Variants in WWOX observed in about 807,000 individuals in gnomAD.
WWOX encodes the protein WW domain-containing oxidoreductase.
A neutral mutation model predicts 46.2 loss-of-function variants in WWOX; 69 were observed. The ratio of observed to expected loss-of-function variants is 1.49; its 90% confidence interval spans 1.23 to 1.82. The LOEUF is 1.82. WWOX is among the 40% of genes most tolerant of loss of function. The pLI is 0.00. For missense variants in WWOX, 919 were observed against 542.6 expected, an observed-to-expected ratio of 1.69 and a Z score of -6.89; for synonymous variants, 359 against 202.6, an observed-to-expected ratio of 1.77 and a Z score of -6.56.
chr16:78,137,488 A>G (rs1168910640), intron 4 of WWOX, among the ~76,000 whole-genome samples: 1 of 152,174 alleles, frequency 6.6e-6, no homozygotes, highest in African/African-American at 2.4e-5. Flanking sequence ...GTGTTAGTCC[A>G]TGAGGAATTT....
intron 8 of WWOX, among the ~76,000 whole-genome samples, chr16:78,641,864 C>T (rs564893053): frequency 6.6e-5 from 10 of 152,142 alleles, no homozygotes; most frequent in Admixed American, 1.3e-4. Flanking sequence ...CTTAAATTAA[C>T]GGGGAGCCGA....
chr16:78,153,528 G>A, intron 4 of WWOX, among the ~76,000 whole-genome samples: 1 of 152,058 alleles, frequency 6.6e-6, no homozygotes, highest in East Asian at 1.9e-4. Flanking sequence ...TCTCCAGGGA[G>A]GGAGAGGATG....
intron 8 of WWOX, among the ~76,000 whole-genome samples, chr16:78,826,764 TA>T (rs2051669130): frequency 6.6e-6 from 1 of 152,114 alleles, no homozygotes; most frequent in Admixed American, 6.5e-5. Flanking sequence ...CAACCCACAA[TA>T]AGAGCACAGT....
chr16:78,567,371 C>G, intron 8 of WWOX, among the ~76,000 whole-genome samples: 1 of 151,188 alleles, frequency 6.6e-6, no homozygotes. Context: ...CCGTAAAACC[C>G]CGTCTCTACT....
intron 5 of WWOX, among the ~76,000 whole-genome samples, chr16:78,321,834 G>GGAGA (rs2080490566): frequency 6.6e-6 from 1 of 152,146 alleles, no homozygotes; most frequent in Non-Finnish European, 1.5e-5. Flanking sequence ...GACGCTTGGA[G>GGAGA]GCTGGGGAGA....
intron 5 of WWOX, among the ~76,000 whole-genome samples, chr16:78,326,306 C>A (rs1002741009): frequency 2.0e-5 from 3 of 152,114 alleles, no homozygotes; most frequent in East Asian, 3.8e-4. Context: ...GTTGCAGAAA[C>A]CTAAATTGCT....
chr16:79,164,825 T>C (rs2050559068), intron 8 of WWOX, among the ~76,000 whole-genome samples: 1 of 152,178 alleles, frequency 6.6e-6, no homozygotes, highest in Admixed American at 6.5e-5. Context: ...TTGTCATTTA[T>C]GTAGCACCAG....
chr16:78,422,884 C>CAT (rs1424629781), intron 6 of WWOX, among the ~76,000 whole-genome samples: 3 of 103,586 alleles, frequency 2.9e-5, no homozygotes, highest in Non-Finnish European at 5.9e-5. Context: ...CACACACACA[C>CAT]ATATATTTTT....
chr16:78,357,114 C>G (rs1208389592), intron 5 of WWOX, among the ~76,000 whole-genome samples: 1 of 152,200 alleles, frequency 6.6e-6, no homozygotes, highest in Non-Finnish European at 1.5e-5. Flanking sequence ...ACCTTCCTTT[C>G]TCAGAGCCTT....
chr16:78,627,733 C>A (rs2046342326), intron 8 of WWOX, among the ~76,000 whole-genome samples: 1 of 152,164 alleles, frequency 6.6e-6, no homozygotes, highest in African/African-American at 2.4e-5. Flanking sequence ...ATGGAGGCAC[C>A]TATGTTAACT....
intron 8 of WWOX, among the ~76,000 whole-genome samples, chr16:78,618,664 C>G (rs968148137): frequency 2.0e-5 from 3 of 152,100 alleles, no homozygotes; most frequent in African/African-American, 7.2e-5. Context: ...CTCTTCTCAA[C>G]AGGATCCATG....
chr16:78,755,005 G>A (rs2049602787), intron 8 of WWOX, among the ~76,000 whole-genome samples: 1 of 150,458 alleles, frequency 6.6e-6, no homozygotes, highest in Non-Finnish European at 1.5e-5. Context: ...ATGAGAACAC[G>A]TGGACAACGG....
At chr16:78,500,045 A>C (rs556046877) in intron 8 of WWOX, among the ~76,000 whole-genome samples, 1 of 152,202 alleles carries the variant, frequency 6.6e-6, no homozygotes, top group African/African-American at 2.4e-5. Context: ...TGCCTGTGGG[A>C]AAATACAAAA....
At chr16:78,731,194 T>G (rs2048961214) in intron 8 of WWOX, among the ~76,000 whole-genome samples, 1 of 152,132 alleles carries the variant, frequency 6.6e-6, no homozygotes, top group Non-Finnish European at 1.5e-5. Context: ...TGGCTAATAT[T>G]TCATTATCTG....
chr16:78,863,916 T>C (rs906678068), intron 8 of WWOX, among the ~76,000 whole-genome samples: 1 of 152,128 alleles, frequency 6.6e-6, no homozygotes, highest in Admixed American at 6.5e-5. Context: ...TCAGCCACAG[T>C]TGTAGCATGT....
chr16:78,464,526 T>C (rs928953489), intron 8 of WWOX, among the ~76,000 whole-genome samples: 30 of 152,286 alleles, frequency 2.0e-4, no homozygotes, highest in Admixed American at 1.7e-3. Context: ...GTGCCATATT[T>C]CCTTGAATCT....
intron 5 of WWOX, among the ~76,000 whole-genome samples, chr16:78,228,844 G>A (rs1453440806): frequency 1.3e-5 from 2 of 152,168 alleles, no homozygotes; most frequent in Non-Finnish European, 2.9e-5. Flanking sequence ...TACTCTACCT[G>A]GGTGAGGCTC....
intron 7 of WWOX, among the ~76,000 whole-genome samples, chr16:78,431,242 C>T (rs1287971951): frequency 2.0e-5 from 3 of 152,164 alleles, no homozygotes; most frequent in Non-Finnish European, 4.4e-5. Context: ...TACATCCATG[C>T]CATGGGTATA....
Position 79,211,787 on chromosome 16 carries a change from G to A in WWOX, c.1236G>A (p.Gln412=), listed in dbSNP as rs752615341. Reference sequence around the variant, plus strand: ...TGATCCAAGAACGGCTTGGCAGCCAGTCCGGCTAAGTGGAGCTCAGAGCGG... The same window carrying A: ...TGATCCAAGAACGGCTTGGCAGCCAATCCGGCTAAGTGGAGCTCAGAGCGG... ...ERLIQERLGS[Q]SG is the part of the protein sequence containing the mutation. The change falls in exon 9 of 9, where the codon CAG becomes CAA. Residue 412 remains glutamine (Q), a synonymous_variant. Transcript: ENST00000566780. 3 of 1,614,000 alleles carry A rather than the reference G, an allele frequency of 1.9e-6. No homozygotes were observed. The highest frequency in any genetic ancestry group is 8.5e-7 in the Non-Finnish European group (1 of 1,179,988).
Sources: gnomAD v4.1 joint callset for allele counts (sites outside exome capture counted in the v4.1 genomes callset) on GRCh38, gnomAD v4.1.1 for gene constraint, MANE v1.5 for transcripts, NCBI Gene and HGNC (gene_info 2026-07-23, HGNC 2026-07-21) for gene names.